Variants in TENM4 observed in about 807,000 individuals in gnomAD.
TENM4 encodes teneurin-4.
In TENM4, 82 loss-of-function variants were observed where a neutral mutation model predicts 243.3. That is an observed-to-expected ratio of 0.34 (90% confidence interval 0.28 to 0.40). The LOEUF (loss-of-function observed/expected upper bound fraction) is 0.40. Ranked by LOEUF, TENM4 falls within the 10% of genes least tolerant of loss-of-function variation. The pLI, the probability that TENM4 is intolerant of heterozygous loss-of-function variation, is 1.00. For missense variants in TENM4, 3,138 were observed against 3,673.3 expected (o/e 0.85, Z 3.77); for synonymous variants, 1,412 against 1,456.3 (o/e 0.97, Z 0.69).
At chr11:78,662,786 G>A (rs1427926125) in intron 32 of TENM4, among the ~76,000 whole-genome samples, 1 of 152,190 alleles carries the variant, frequency 6.6e-6, no homozygotes, top group Non-Finnish European at 1.5e-5. Context: ...GATGAGACAT[G>A]GGCATGAATA....
intron 6 of TENM4, among the ~76,000 whole-genome samples, chr11:79,022,309 G>T (rs1858950296): frequency 6.6e-6 from 1 of 152,178 alleles, no homozygotes; most frequent in Non-Finnish European, 1.5e-5. Flanking sequence ...ACCAAGGTGG[G>T]AATGTGAATC....
chr11:79,116,306 A>C (rs1861619519), intron 4 of TENM4, among the ~76,000 whole-genome samples: 1 of 152,216 alleles, frequency 6.6e-6, no homozygotes, highest in Non-Finnish European at 1.5e-5. Flanking sequence ...GAAGAAAATG[A>C]GTCTCAGAAA....
Position 78,884,469 on chromosome 11 carries a change from TA to T in TENM4, c.1084+5315del, listed in dbSNP as rs1418543143. Among the ~76,000 whole-genome samples the T allele has an allele frequency of 4.6e-5, 7 of 152,182 alleles. No homozygotes were observed. The South Asian group carries it at 1.0e-3, about 23-fold the overall frequency. On this transcript the variant is annotated intron_variant, in intron 9 of 33. Transcript: ENST00000278550. ...ATTGTCTGTTCCAGCCCAGGGCTAT[TA>T]TATAGCATAGTTGGCTGAAAGCATG...
intron 2 of TENM4, among the ~76,000 whole-genome samples, chr11:79,278,836 T>C (rs966853782): frequency 3.9e-5 from 6 of 152,058 alleles, no homozygotes; most frequent in African/African-American, 1.2e-4. Flanking sequence ...ACTGTCACTA[T>C]CAGGAAATCA....
At chr11:79,361,245 G>A (rs1857583599) in intron 1 of TENM4, among the ~76,000 whole-genome samples, 1 of 152,200 alleles carries the variant, frequency 6.6e-6, no homozygotes, top group African/African-American at 2.4e-5. Context: ...TCTTTAGCTG[G>A]AAAGGGATCC....
intron 1 of TENM4, among the ~76,000 whole-genome samples, chr11:79,317,378 A>AT (rs1190303554): frequency 6.6e-6 from 1 of 151,846 alleles, no homozygotes; most frequent in Non-Finnish European, 1.5e-5. Context: ...TATAAAGGTA[A>AT]TTTTTTCTGG....
chr11:78,677,147 T>G (rs952657089), intron 29 of TENM4, among the ~76,000 whole-genome samples: 1 of 152,160 alleles, frequency 6.6e-6, no homozygotes, highest in Non-Finnish European at 1.5e-5. Context: ...GAATTATACC[T>G]CAAAAATACT....
In TENM4 at chr11:78,805,404, G is replaced by A. The variant is rs1198450332; in HGVS notation, c.2067C>T (p.Cys689=). 1.0e-5 allele frequency: 16 copies of A among 1,605,348 alleles called. No homozygotes were observed. The highest frequency in any genetic ancestry group is 8.5e-5 in the Admixed American group (5 of 59,164). Residue 689 remains cysteine (C), a synonymous_variant, in exon 15 of 34, where the codon TGC becomes TGT. Transcript: ENST00000278550. The part of the protein sequence containing the change: ...HCSVGWGGTN[C]ETPRATCLDQ... ...CTAAGCATGTGGCCCTGGGGGTCTC[G>A]CAGTTGGTGCCTCCCCATCCCACAG...
chr11:79,069,935 T>C lies in TENM4; in HGVS notation c.10A>G (p.Lys4Glu), dbSNP rs1860367147. MDVKERKPYRSLTR... is the reference protein window; with the variant it reads MDVEERKPYRSLTR... ...AGCGAGCGGTAAGGCTTCCTCTCCT[T>C]CACGTCCATGGCCTCCGGCCCGCGC... is the stretch of plus-strand genomic sequence containing the variant. Residue 4 changes from lysine (K) to glutamate (E), a missense_variant, in exon 5 of 34, where the codon AAG becomes GAG. By Grantham distance (56) the Lys-to-Glu change is moderately conservative. Coordinates refer to ENST00000278550, the MANE Select transcript of TENM4 (RefSeq NM_001098816.3). 2 of 1,545,912 alleles carry C rather than the reference T, an allele frequency of 1.3e-6. No homozygotes were observed. The highest frequency in any genetic ancestry group is 1.7e-6 in the Non-Finnish European group (2 of 1,146,488).
intron 2 of TENM4, among the ~76,000 whole-genome samples, chr11:79,243,229 C>T (rs559044721): frequency 6.6e-6 from 1 of 152,144 alleles, no homozygotes; most frequent in Admixed American, 6.5e-5. Flanking sequence ...TTTCGGGGGT[C>T]ATTTTTAGCA....
chr11:79,196,214 G>T (rs1863623738), intron 3 of TENM4, among the ~76,000 whole-genome samples: 1 of 152,034 alleles, frequency 6.6e-6, no homozygotes, highest in African/African-American at 2.4e-5. Flanking sequence ...ACAGACTAAT[G>T]CAAGAGGGCA....
chr11:79,078,013 C>T (rs905195778), intron 4 of TENM4, among the ~76,000 whole-genome samples: 3 of 152,102 alleles, frequency 2.0e-5, no homozygotes, highest in Admixed American at 6.5e-5. Context: ...AGAAACAAAC[C>T]TGGCCCCTTC....
intron 4 of TENM4, among the ~76,000 whole-genome samples, chr11:79,095,410 CT>C (rs1420156833): frequency 6.6e-6 from 1 of 152,198 alleles, no homozygotes; most frequent in Non-Finnish European, 1.5e-5. Flanking sequence ...AAAGACAAAA[CT>C]TACAAGCCAT....
At chr11:79,285,645 A>ATGTG (rs200413911) in intron 2 of TENM4, among the ~76,000 whole-genome samples, 4 of 149,502 alleles carry the variant, frequency 2.7e-5, no homozygotes, top group South Asian at 2.1e-4. Flanking sequence ...AAAATGTGGT[A>ATGTG]TGTGTGTGTG....
At position 78,970,057 on chromosome 11, in the gene TENM4, A is replaced by T. The variant is rs1384651237; in HGVS notation, c.494-66534T>A. 2.6e-5 allele frequency among the ~76,000 whole-genome samples: 4 copies of T among 152,346 alleles called. No individual in the cohort carries two copies. In the South Asian group the frequency reaches 8.3e-4, roughly 32 times the overall value. The stretch of plus-strand genomic sequence containing the variant: ...TTCAGTTGCTTCACTGAATAAGTGA[A>T]ATTATACTCAGTTCTGAGCAGAGGA... On this transcript the variant is annotated intron_variant, in intron 6 of 33. Transcript: ENST00000278550.
chr11:78,863,225 C>T, intron 9 of TENM4, 93 bp from the exon 10 acceptor site: 1 of 1,345,430 alleles, frequency 7.4e-7, no homozygotes, highest in Admixed American at 2.6e-5. Flanking sequence ...GGTGGGGGAA[C>T]ACAGGCATTC....
intron 4 of TENM4, among the ~76,000 whole-genome samples, chr11:79,081,519 C>T (rs1207213546): frequency 8.2e-6 from 1 of 121,582 alleles, no homozygotes; most frequent in Non-Finnish European, 1.8e-5. Context: ...CCAGGCTGTC[C>T]TTCCTGTCAG....
At chr11:79,129,089 C>T (rs906286963) in intron 4 of TENM4, among the ~76,000 whole-genome samples, 2 of 152,190 alleles carry the variant, frequency 1.3e-5, no homozygotes, top group Non-Finnish European at 2.9e-5. Context: ...CTCTCCTGAA[C>T]ACATACCCCC....
At chr11:79,019,761 G>T (rs1194394196) in intron 6 of TENM4, among the ~76,000 whole-genome samples, 1 of 152,170 alleles carries the variant, frequency 6.6e-6, no homozygotes, top group Non-Finnish European at 1.5e-5. Context: ...TGAGGAAGTG[G>T]AGACACAGAC....
Sources: gnomAD v4.1 joint callset for allele counts (sites outside exome capture counted in the v4.1 genomes callset) on GRCh38, gnomAD v4.1.1 for gene constraint, MANE v1.5 for transcripts, NCBI Gene and HGNC (gene_info 2026-07-23, HGNC 2026-07-21) for gene names.